Variants in ASPG observed in about 807,000 individuals in gnomAD.
ASPG encodes the protein asparaginase, also known as 60 kDa lysophospholipase.
In ASPG, 53 loss-of-function variants were observed where a neutral mutation model predicts 63.2. The observed-to-expected ratio is 0.84, with a 90% CI of 0.67 to 1.05. ASPG has a LOEUF of 1.05. Ranked by LOEUF, ASPG falls within the 50% of genes least tolerant of loss-of-function variation. The pLI, the probability that ASPG is intolerant of heterozygous loss-of-function variation, is 0.00. For missense variants in ASPG, 741 were observed against 794.4 expected (o/e 0.93, Z 0.81); for synonymous variants, 370 against 355.0 (o/e 1.04, Z -0.48).
intron 1 of ASPG, among the ~76,000 whole-genome samples, chr14:104,090,274 G>C (rs1484761828): frequency 6.6e-6 from 1 of 152,230 alleles, no homozygotes; most frequent in Admixed American, 6.5e-5. Flanking sequence ...TCTGGAAGCT[G>C]TTCCCCCACA....
intron 2 of ASPG, 161 bp from the exon 3 acceptor site, chr14:104,093,330 G>A (rs780920874): frequency 8.5e-6 from 6 of 704,994 alleles, no homozygotes; most frequent in Middle Eastern, 2.3e-4. Flanking sequence ...AGGGGGGCCG[G>A]GCCCCGTACC....
chr14:104,093,191 T>A (rs1255948553), intron 2 of ASPG: 1 of 530,818 alleles, frequency 1.9e-6, no homozygotes, highest in Non-Finnish European at 3.4e-6. Context: ...GCGAGCCTCC[T>A]GCAAGCATCC....
At chr14:104,093,654 AGGTGTGTGGGTGG>A in intron 3 of ASPG, 52 bp downstream of exon 3, 1 of 361,334 alleles carries the variant, frequency 2.8e-6, no homozygotes, top group Non-Finnish European at 3.5e-6. Flanking sequence ...GGTGGGGCTG[AGGTGTGTGGGTGG>A]GGCTGTGGTG....
At chr14:104,097,717 C>T in intron 5 of ASPG, 80 bp downstream of exon 5, 1 of 1,332,174 alleles carries the variant, frequency 7.5e-7, no homozygotes, top group Non-Finnish European at 1.0e-6. Context: ...ACAAAGTCCC[C>T]CCAGCCCCTC....
Position 104,112,952 on chromosome 14 carries a change from T to C in ASPG, c.*408T>C, listed in dbSNP as rs2037420462. 1 of 300,962 alleles carries C rather than the reference T, an allele frequency of 3.3e-6. No homozygotes were observed. The highest frequency in any genetic ancestry group is 2.2e-5 in the African/African-American group (1 of 46,126). 18.6% of individuals were successfully genotyped at this position (300,962 alleles called of 1,614,324 possible). ...TGCCTTTGCCCAGGCTGGTCCCTCC[T>C]CCAGACACCCTCTGCCCATCTCCTT... On this transcript the variant is annotated 3_prime_UTR_variant, in exon 16 of 16. Transcript: ENST00000551177.
At chr14:104,098,225 G>C (rs979514855) in intron 5 of ASPG, among the ~76,000 whole-genome samples, 2 of 152,142 alleles carry the variant, frequency 1.3e-5, no homozygotes, top group African/African-American at 4.8e-5. Flanking sequence ...TACGTATGGA[G>C]GTTTTACATT....
At position 104,104,364 on chromosome 14, in the gene ASPG, A is replaced by T; in HGVS notation, c.814A>T (p.Asn272Tyr). 1 of 1,612,552 alleles carries T rather than the reference A, an allele frequency of 6.2e-7. No homozygotes were observed. Among genetic ancestry groups the T allele is most frequent in the African/African-American group, 1.3e-5 (1 of 75,030 alleles). Residue 272 changes from asparagine (N) to tyrosine (Y), a missense_variant, in exon 8 of 16, where the codon AAC becomes TAC. Asn to Tyr is a moderately radical substitution (Grantham distance 143, BLOSUM62 -2). Coordinates refer to ENST00000551177, the MANE Select transcript of ASPG (RefSeq NM_001080464.3). The part of the protein sequence containing the change: ...GVVMETFGSG[N>Y]GPTKPDLLQE... ...GGTCATGGAGACCTTCGGTTCAGGG[A>T]ACGGACCCACCAAGCCCGACCTGCT...
chr14:104,097,752 G>C (rs1646496513), intron 5 of ASPG, 115 bp downstream of exon 5: 2 of 905,236 alleles, frequency 2.2e-6, no homozygotes, highest in Admixed American at 2.2e-5. Flanking sequence ...CCAATAGCTG[G>C]GTGCACTGTC....
chr14:104,092,792 A>G, intron 2 of ASPG, 51 bp downstream of exon 2: 1 of 1,464,720 alleles, frequency 6.8e-7, no homozygotes, highest in Non-Finnish European at 9.2e-7. Context: ...GCTGAGGGGC[A>G]CCGATCCTGA....
At position 104,107,352 on chromosome 14, in the gene ASPG, G is replaced by A. The variant is rs776719532; in HGVS notation, c.1433+7G>A. On this transcript the variant is annotated splice_region_variant and intron_variant, in intron 12 of 15. Coordinates refer to ENST00000551177, the MANE Select transcript of ASPG (RefSeq NM_001080464.3). ...TGCTGGCCGTGCGGGGCAGGTAATG[G>A]AGCTAGGGCTGCACAGAGCTGCCTT... 5 of 1,551,750 alleles carry A rather than the reference G, an allele frequency of 3.2e-6. No homozygotes were observed. In the South Asian group the frequency reaches 6.1e-5, roughly 19 times the overall value.
At chr14:104,108,743 G>A in intron 12 of ASPG, 1 of 985,412 alleles carries the variant, frequency 1.0e-6, no homozygotes, top group Non-Finnish European at 1.2e-6. Flanking sequence ...CTACCCAAGG[G>A]CAGTCGGCCG....
In ASPG at chr14:104,097,558, C is replaced by G. The variant is rs1198125952; in HGVS notation, c.434C>G (p.Pro145Arg). 6.4e-7 allele frequency: 1 copy of G among 1,553,162 alleles called. No individual in the cohort carries two copies. Among genetic ancestry groups the G allele is most frequent in the Non-Finnish European group, 8.7e-7 (1 of 1,148,638 alleles). ...KTVILTGAQV[P>R]IHALWSDGRE... The stretch of plus-strand genomic sequence containing the variant: ...ACTCCGTGGCCTCTCCCCCAGGTGC[C>G]CATCCATGCCCTGTGGAGCGACGGC... The change falls in exon 5 of 16, where the codon CCC becomes CGC. Residue 145 changes from proline (P) to arginine (R), a missense_variant. Pro to Arg is a moderately radical substitution (Grantham distance 103). Coordinates refer to ENST00000551177, the MANE Select transcript of ASPG (RefSeq NM_001080464.3).
chr14:104,108,525 C>T (rs2141052061), intron 12 of ASPG: 1 of 985,450 alleles, frequency 1.0e-6, no homozygotes, highest in East Asian at 1.1e-4. Context: ...CATACCTATT[C>T]CCAGGCTCCC....
intron 12 of ASPG, among the ~76,000 whole-genome samples, chr14:104,107,978 G>C (rs1254009800): frequency 2.0e-5 from 3 of 152,238 alleles, no homozygotes; most frequent in Non-Finnish European, 4.4e-5. Context: ...CCTCCCTGTG[G>C]GTGGGAGGAC....
At position 104,091,615 on chromosome 14, in the gene ASPG, TGA is replaced by T. The variant is rs773524725; in HGVS notation, c.83-1016_83-1015del. Among the ~76,000 whole-genome samples the T allele has an allele frequency of 2.0e-5, 3 of 151,900 alleles. No homozygotes were observed. Among genetic ancestry groups the T allele is most frequent in the Non-Finnish European group, 4.4e-5 (3 of 67,980 alleles). Reference sequence around the variant, plus strand: ...ACAGGCAGAGATGTGGAGACCAGGGTGAGCCCAGCAGTGGAGGGCGATGTCAG... The same window carrying T: ...ACAGGCAGAGATGTGGAGACCAGGGTGCCCAGCAGTGGAGGGCGATGTCAG... On this transcript the variant is annotated intron_variant, in intron 1 of 15. Coordinates refer to ENST00000551177, the MANE Select transcript of ASPG (RefSeq NM_001080464.3). The surrounding 1 kb of genome is among the most constrained non-coding windows in gnomAD (Gnocchi z 6.4).
At position 104,104,378 on chromosome 14, in the gene ASPG, G is replaced by A; in HGVS notation, c.828G>A (p.Lys276=). 1 of 1,612,634 alleles carries A rather than the reference G, an allele frequency of 6.2e-7. No individual in the cohort carries two copies. The highest frequency in any genetic ancestry group is 1.1e-5 in the South Asian group (1 of 91,078). ...TCGGTTCAGGGAACGGACCCACCAAGCCCGACCTGCTGCAGGAGCTGCGGG... is the reference window on the plus strand; with the variant it reads ...TCGGTTCAGGGAACGGACCCACCAAACCCGACCTGCTGCAGGAGCTGCGGG... The part of the protein sequence containing the change: ...ETFGSGNGPT[K]PDLLQELRVA... The change falls in exon 8 of 16, where the codon AAG becomes AAA. Residue 276 remains lysine, a synonymous_variant. Coordinates refer to ENST00000551177, the MANE Select transcript of ASPG (RefSeq NM_001080464.3).
chr14:104,103,202 GAC>G (rs2036957243), intron 6 of ASPG, among the ~76,000 whole-genome samples: 1 of 152,244 alleles, frequency 6.6e-6, no homozygotes. Flanking sequence ...CGGCCTGCAA[GAC>G]ACAGCCGGGC....
At chr14:104,089,843 G>A (rs913130714) in intron 1 of ASPG, among the ~76,000 whole-genome samples, 1 of 151,244 alleles carries the variant, frequency 6.6e-6, no homozygotes, top group African/African-American at 2.4e-5. Flanking sequence ...GGCTACTCGG[G>A]AGGCTAAGGC....
chr14:104,098,139 CGTATGGAGGTT>C (rs1213911502), intron 5 of ASPG, among the ~76,000 whole-genome samples: 10 of 149,382 alleles, frequency 6.7e-5, no homozygotes, highest in South Asian at 2.1e-4. Flanking sequence ...GTTAGAGATA[CGTATGGAGGTT>C]CTGCGTTAGA....
Sources: allele counts gnomAD v4.1 joint callset (sites outside exome capture counted in the v4.1 genomes callset), GRCh38; gene constraint gnomAD v4.1.1; non-coding constraint Gnocchi (gnomAD v3.1); transcripts MANE v1.5; gene names NCBI Gene and HGNC (gene_info 2026-07-23, HGNC 2026-07-21).